ATM: variants seen among roughly 807,000 people sequenced by gnomAD.
ATM encodes ATM serine/threonine kinase, also known as serine-protein kinase ATM.
ATM carries 308 observed loss-of-function variants against 387.0 expected under a neutral mutation model. That is an observed-to-expected ratio of 0.80 (90% confidence interval 0.73 to 0.87). ATM has a LOEUF of 0.87. Ranked by LOEUF, ATM falls within the 40% of genes least tolerant of loss-of-function variation. ATM has a pLI of 0.00. For missense variants in ATM, 3,312 were observed against 3,560.9 expected, an observed-to-expected ratio of 0.93 and a Z score of 1.78; for synonymous variants, 1,156 against 1,187.3, an observed-to-expected ratio of 0.97 and a Z score of 0.54.
Position 108,267,126 on chromosome 11 carries a change from C to T in ATM, c.2467-45C>T, listed in dbSNP as rs753813243. 8 of 1,595,606 alleles carry T rather than the reference C, an allele frequency of 5.0e-6. No individual in the cohort carries two copies. The Admixed American group carries it at 1.2e-4, about 23-fold the overall frequency. ...AGGTAAATTTTGACTACAGCATGCT[C>T]CTGCAAGAAGCCATCTTGAACATCT... On this transcript the variant is annotated intron_variant, in intron 16 of 62. Transcript: ENST00000675843.
Position 108,352,481 on chromosome 11 carries a change from G to GA in ATM, c.8672-1281dup, listed in dbSNP as rs765935525. Among the ~76,000 whole-genome samples the GA allele has an allele frequency of 3.2e-4, 49 of 152,276 alleles. 1 individual carries two copies. The highest frequency in any genetic ancestry group is 6.3e-4 in the Non-Finnish European group (43 of 68,020). On this transcript the variant is annotated intron_variant, in intron 59 of 62. Transcript: ENST00000675843. Reference sequence around the variant, plus strand: ...TTACCCAAGCTGAGCAACAGAGGAAGAAAATTAAGAGGAAACCTTCAGCAT... The same window carrying GA: ...TTACCCAAGCTGAGCAACAGAGGAAGAAAAATTAAGAGGAAACCTTCAGCAT...
In ATM at chr11:108,365,208, C is replaced by G. The variant is rs770641163; in HGVS notation, c.8977C>G (p.Arg2993Gly). ...TLNADDQECK[R>G]NLSDIDQSFN... ...GAATGCAGATGACCAAGAATGCAAA[C>G]GAAATCTCAGGTGAGCAGTATTTTA... Residue 2993 changes from arginine (R) to glycine (G), a missense_variant, in exon 62 of 63, where the codon CGA becomes GGA. Around this residue, in one of 4 missense-constraint regions of ATM, gnomAD observed 95 missense variants for 100.3 expected, o/e 0.95. Transcript: ENST00000675843. The G allele has an allele frequency of 6.2e-7, 1 of 1,614,140 alleles. No homozygotes were observed. Among genetic ancestry groups the G allele is most frequent in the South Asian group, 1.1e-5 (1 of 91,084 alleles).
At chr11:108,325,865 GAGAC>G (rs990484566) in intron 46 of ATM, among the ~76,000 whole-genome samples, 189 bp from the exon 47 acceptor site, 36 of 152,210 alleles carry the variant, frequency 2.4e-4, no homozygotes, top group African/African-American at 7.0e-4. Context: ...CATATAGAGA[GAGAC>G]AGACAGACAG....
intron 39 of ATM, among the ~76,000 whole-genome samples, chr11:108,311,531 A>G (rs1261308409): frequency 6.6e-6 from 1 of 152,074 alleles, no homozygotes; most frequent in Non-Finnish European, 1.5e-5. Flanking sequence ...CCTCAGCTCT[A>G]CTAAAAATAA....
At chr11:108,351,989 T>A (rs1591298409) in intron 59 of ATM, among the ~76,000 whole-genome samples, 1 of 152,158 alleles carries the variant, frequency 6.6e-6, no homozygotes, top group Non-Finnish European at 1.5e-5. Flanking sequence ...TGGAGGCCAA[T>A]TGGGGAATCT....
intron 5 of ATM, among the ~76,000 whole-genome samples, chr11:108,240,684 A>G (rs945388693): frequency 7.3e-5 from 8 of 110,130 alleles, no homozygotes; most frequent in Non-Finnish European, 1.5e-4. Context: ...AAAACATGGT[A>G]CACCTGTCTA....
chr11:108,287,006 T>G (rs1055071570), intron 26 of ATM, among the ~76,000 whole-genome samples: 1 of 152,164 alleles, frequency 6.6e-6, no homozygotes, highest in South Asian at 2.1e-4. Context: ...TACCTGTCTA[T>G]AGTGGGAAGT....
intron 32 of ATM, among the ~76,000 whole-genome samples, chr11:108,296,531 C>T (rs879751310): frequency 3.3e-5 from 5 of 152,154 alleles, no homozygotes; most frequent in African/African-American, 7.2e-5. Flanking sequence ...GGATTACAGG[C>T]GTGAGCCACC....
intron 38 of ATM, chr11:108,308,970 C>G: frequency 2.0e-6 from 3 of 1,505,214 alleles, no homozygotes; most frequent in Non-Finnish European, 2.7e-6. Flanking sequence ...TCATTTCAGA[C>G]TTACCATTGG....
intron 18 of ATM, among the ~76,000 whole-genome samples, chr11:108,268,882 T>C (rs939434842): frequency 2.0e-5 from 3 of 152,230 alleles, no homozygotes; most frequent in African/African-American, 4.8e-5. Flanking sequence ...CTAAGAAACA[T>C]AGACCCTGAA....
intron 59 of ATM, among the ~76,000 whole-genome samples, chr11:108,350,816 G>A (rs1032056135): frequency 1.3e-5 from 2 of 152,138 alleles, no homozygotes; most frequent in African/African-American, 4.8e-5. Context: ...CATTCAGGTC[G>A]TGCTAAAAGC....
rs749193688 is a variant in ATM, at chr11:108,345,896, A to G, written c.8572A>G (p.Thr2858Ala). ...ATTGGCTTATACGCGCAGTGTAGCT[A>G]CTTCTTCTATTGGTAATCTTCTTGT... The part of the protein sequence containing the change: ...KRLAYTRSVA[T>A]SSIVGYILGL... Residue 2858 changes from threonine to alanine, a missense_variant, in exon 58 of 63, where the codon ACT (threonine) becomes GCT (alanine). Around this residue, in one of 4 missense-constraint regions of ATM, gnomAD observed 1,405 missense variants for 1,604.4 expected, o/e 0.88. Coordinates refer to ENST00000675843, the MANE Select transcript of ATM (RefSeq NM_000051.4). 7.4e-6 allele frequency: 12 copies of G among 1,613,662 alleles called. No individual in the cohort carries two copies. Among genetic ancestry groups the G allele is most frequent in the Admixed American group, 5.0e-5 (3 of 59,988 alleles).
At chr11:108,335,682 T>C (rs1016442597) in intron 55 of ATM, among the ~76,000 whole-genome samples, 163 bp from the exon 56 acceptor site, 1 of 152,212 alleles carries the variant, frequency 6.6e-6, no homozygotes, top group African/African-American at 2.4e-5. Context: ...TGTAGCTTAT[T>C]CTAAATGAAA....
intron 61 of ATM, among the ~76,000 whole-genome samples, chr11:108,360,579 A>G (rs571716503): frequency 1.4e-5 from 2 of 142,972 alleles, no homozygotes; most frequent in Admixed American, 1.4e-4. Context: ...CCAGCAGCAC[A>G]TCCAAAAGCT....
rs1241804364 is a variant in ATM, at chr11:108,253,847, A to G, written c.1932A>G (p.Ser644=). 2 of 1,613,898 alleles carry G rather than the reference A, an allele frequency of 1.2e-6. No individual in the cohort carries two copies. Among genetic ancestry groups the G allele is most frequent in the Non-Finnish European group, 8.5e-7 (1 of 1,179,916 alleles). Residue 644 remains serine (S), a synonymous_variant, in exon 13 of 63, where the codon TCA becomes TCG. Transcript: ENST00000675843. The stretch of plus-strand genomic sequence containing the variant: ...ACCAAAAAGATAAAGAAGAACTTTC[A>G]TTCTCAGAAGTAGAAGAACTATTTC... The part of the protein sequence containing the change: ...EHHQKDKEEL[S]FSEVEELFLQ...
chr11:108,361,973 C>T (rs2090819830), intron 61 of ATM, among the ~76,000 whole-genome samples: 2 of 134,802 alleles, frequency 1.5e-5, no homozygotes, highest in Admixed American at 1.6e-4. Context: ...TAAAGAGCTT[C>T]TGCACAGCAA....
At chr11:108,354,027 G>T in intron 60 of ATM, 147 bp downstream of exon 60, 37 of 580,040 alleles carry the variant, frequency 6.4e-5, no homozygotes, top group Non-Finnish European at 7.6e-5. Context: ...TCCAGCCTAG[G>T]CAATACAGCA....
At position 108,277,557 on chromosome 11, in the gene ATM, C is replaced by T. The variant is rs373697806; in HGVS notation, c.3285-1934C>T. ...AAAGACTGCGGGAAAAGCGTAGTAT[C>T]TGGGCAGGAATCCACCATTCCTCAC... On this transcript the variant is annotated intron_variant, in intron 22 of 62. Coordinates refer to ENST00000675843, the MANE Select transcript of ATM (RefSeq NM_000051.4). Among the ~76,000 whole-genome samples the T allele has an allele frequency of 3.5e-3, 531 of 152,314 alleles. 2 individuals are homozygous for T. Among genetic ancestry groups the T allele is most frequent in the African/African-American group, 0.012 (506 of 41,578 alleles).
At chr11:108,324,528 G>A (rs1383714780) in intron 45 of ATM, among the ~76,000 whole-genome samples, 8 of 151,974 alleles carry the variant, frequency 5.3e-5, no homozygotes, top group Non-Finnish European at 2.9e-5. Flanking sequence ...AAGGAGTTCC[G>A]CAAAAAGTTT....
Sources: gnomAD v4.1 joint callset for allele counts (sites outside exome capture counted in the v4.1 genomes callset) on GRCh38, gnomAD v4.1.1 for gene constraint, gnomAD v4.1.1 regional missense constraint, MANE v1.5 for transcripts, NCBI Gene and HGNC (gene_info 2026-07-23, HGNC 2026-07-21) for gene names.